The following LSM14B variants were observed in gnomAD, a reference collection of about 807,000 sequenced individuals.
LSM14B encodes protein LSM14 homolog B.
In LSM14B, 8 loss-of-function variants were observed where a neutral mutation model predicts 42.1. The observed-to-expected ratio is 0.19, with a 90% CI of 0.11 to 0.34. The LOEUF (loss-of-function observed/expected upper bound fraction) is 0.34, where lower values mean the gene tolerates loss of function less well. Ranked by LOEUF, LSM14B falls within the 10% of genes least tolerant of loss-of-function variation. The pLI, the probability that LSM14B is intolerant of heterozygous loss-of-function variation, is 1.00. For synonymous variants in LSM14B, 219 were observed against 209.7 expected, an observed-to-expected ratio of 1.04 and a Z score of -0.38; for missense variants, 396 against 513.1, an observed-to-expected ratio of 0.77 and a Z score of 2.21.
intron 3 of LSM14B, chr20:62,127,968 G>C (rs2056653488): frequency 3.2e-6 from 2 of 630,040 alleles, no homozygotes; most frequent in Non-Finnish European, 5.7e-6. Context: ...CCACATACGG[G>C]AAACTTCACT....
At chr20:62,131,701 G>A (rs374478428) in intron 7 of LSM14B, among the ~76,000 whole-genome samples, 195 bp downstream of exon 7, 18 of 152,302 alleles carry the variant, frequency 1.2e-4, no homozygotes, top group African/African-American at 2.2e-4. Flanking sequence ...ATCCCGACCC[G>A]AGGAGTTGGC....
At position 62,126,424 on chromosome 20, in the gene LSM14B, G is replaced by C; in HGVS notation, c.412G>C (p.Ala138Pro). Residue 138 changes from alanine (A) to proline (P), a missense_variant, in exon 3 of 9, where the codon GCC becomes CCC. By Grantham distance (27) the Ala-to-Pro change is conservative. Transcript: ENST00000279068. ...CTCCCTGCTCAGCCAGCAGTATGCC[G>C]CCTCCCTGGGTCTAGGTGAGTGACC... ...ASSLLSQQYA[A>P]SLGLGAGFPS... 6.2e-7 allele frequency: 1 copy of C among 1,609,396 alleles called. No individual in the cohort carries two copies. Among genetic ancestry groups the C allele is most frequent in the Non-Finnish European group, 8.5e-7 (1 of 1,179,776 alleles).
chr20:62,122,653 C>T lies in LSM14B; in HGVS notation c.-14C>T. ...TCCTTCCCCACCGCGGCCCGACGCACCCCGGCCGCCGCCATGAGCGGCTCC... is the reference window on the plus strand; with the variant it reads ...TCCTTCCCCACCGCGGCCCGACGCATCCCGGCCGCCGCCATGAGCGGCTCC... On this transcript the variant is annotated 5_prime_UTR_variant, in exon 1 of 9. Coordinates refer to ENST00000279068, the MANE Select transcript of LSM14B (RefSeq NM_144703.3). This position sits in a 1 kb window ranked among gnomAD's most constrained non-coding sequence, Gnocchi z 4.6. The T allele has an allele frequency of 7.1e-7, 1 of 1,408,478 alleles. No homozygotes were observed. Among genetic ancestry groups the T allele is most frequent in the Non-Finnish European group, 9.4e-7 (1 of 1,061,456 alleles). 87.2% of individuals were successfully genotyped at this position (1,408,478 alleles called of 1,614,324 possible).
rs2056725773 is a variant in LSM14B at position 62,130,182 on chromosome 20, T to C, written c.596-37T>C. ...GCTGGGTTCTGGCTTCCGGCTGCTA[T>C]AGGAGCTTTGCCTTACTCTTCCCTT... is the stretch of plus-strand genomic sequence containing the variant. On this transcript the variant is annotated intron_variant, in intron 4 of 8. Transcript: ENST00000279068. This position sits in a 1 kb window ranked among gnomAD's most constrained non-coding sequence, Gnocchi z 4.1. 1.3e-6 allele frequency: 2 copies of C among 1,563,582 alleles called. No homozygotes were observed. Among genetic ancestry groups the C allele is most frequent in the East Asian group, 4.8e-5 (2 of 41,794 alleles).
At position 62,133,492 on chromosome 20, in the gene LSM14B, T is replaced by G; in HGVS notation, c.*14+17T>G. On this transcript the variant is annotated intron_variant, in intron 8 of 8. Coordinates refer to ENST00000279068, the MANE Select transcript of LSM14B (RefSeq NM_144703.3). Reference sequence around the variant, plus strand: ...CAGCCAAAGGTGAGTGGATGAACCTTCTGGACGCTTTGGTGGGAGGGTGTA... The same window carrying G: ...CAGCCAAAGGTGAGTGGATGAACCTGCTGGACGCTTTGGTGGGAGGGTGTA... The G allele has an allele frequency of 6.2e-7, 1 of 1,602,210 alleles. No individual in the cohort carries two copies. Among genetic ancestry groups the G allele is most frequent in the Non-Finnish European group, 8.5e-7 (1 of 1,176,330 alleles).
intron 2 of LSM14B, 33 bp from the exon 3 acceptor site, chr20:62,126,271 T>C (rs1291479557): frequency 6.2e-7 from 1 of 1,613,830 alleles, no homozygotes; most frequent in Non-Finnish European, 8.5e-7. Flanking sequence ...TGGGATGGCC[T>C]TCGCCGTTCT....
chr20:62,124,792 A>C lies in LSM14B; in HGVS notation c.291+12A>C. On this transcript the variant is annotated intron_variant, in intron 2 of 8. Transcript: ENST00000279068. ...CCGCCATTGTTCAGGTAAGTGTGCC[A>C]CTGTCCCTCTGTGCATGCTGTAGGA... 6.2e-7 allele frequency: 1 copy of C among 1,609,624 alleles called. No individual in the cohort carries two copies. Among genetic ancestry groups the C allele is most frequent in the South Asian group, 1.1e-5 (1 of 90,530 alleles).
At position 62,131,342 on chromosome 20, in the gene LSM14B, GCTT is replaced by G. The variant is rs775501269; in HGVS notation, c.836-10_836-8del. On this transcript the variant is annotated splice_polypyrimidine_tract_variant and intron_variant, in intron 6 of 8. Transcript: ENST00000279068. ...CCCCTCCTCCATCTCCACGTGTTCT[GCTT>G]CTTTTTGTAGATGACAAGGCTGAGA... is the stretch of plus-strand genomic sequence containing the variant. The G allele has an allele frequency of 1.0e-5, 16 of 1,579,818 alleles. No individual in the cohort carries two copies. The East Asian group carries it at 2.0e-4, about 20-fold the overall frequency.
Position 62,133,303 on chromosome 20 carries a change from A to C in LSM14B, c.1000A>C (p.Thr334Pro). 1 of 1,613,412 alleles carries C rather than the reference A, an allele frequency of 6.2e-7. No homozygotes were observed. The highest frequency in any genetic ancestry group is 8.5e-7 in the Non-Finnish European group (1 of 1,179,624). ...SELKTSSRRT[T>P]WAEERKLNTE... ...TCTGTGGTTTAGCTCCAGGCGGACGACGTGGGCCGAAGAGAGGAAGCTCAA... is the reference window on the plus strand; with the variant it reads ...TCTGTGGTTTAGCTCCAGGCGGACGCCGTGGGCCGAAGAGAGGAAGCTCAA... The change falls in exon 8 of 9, where the codon ACG becomes CCG. Residue 334 changes from threonine (T) to proline (P), a missense_variant. Physicochemically the swap from Thr to Pro is conservative, Grantham distance 38. This residue lies in a region of LSM14B where 118 missense variants were observed against 156.4 expected (regional missense o/e 0.75). Transcript: ENST00000279068.
At chr20:62,131,148 G>A (rs1291262869) in intron 6 of LSM14B, among the ~76,000 whole-genome samples, 1 of 152,220 alleles carries the variant, frequency 6.6e-6, no homozygotes, top group Non-Finnish European at 1.5e-5. Flanking sequence ...GTGTGAAAAT[G>A]GGTGGGATAA....
At chr20:62,128,904 TAATAATTA>T in intron 3 of LSM14B, 1 of 1,264,364 alleles carries the variant, frequency 7.9e-7, no homozygotes. Flanking sequence ...GTTCGTCTAA[TAATAATTA>T]CCCTGTGGTT....
intron 2 of LSM14B, 37 bp from the exon 3 acceptor site, chr20:62,126,267 G>A: frequency 6.2e-7 from 1 of 1,613,736 alleles, no homozygotes; most frequent in Non-Finnish European, 8.5e-7. Flanking sequence ...GTGATGGGAT[G>A]GCCTTCGCCG....
At chr20:62,125,029 C>T (rs1420210701) in intron 2 of LSM14B, among the ~76,000 whole-genome samples, 1 of 152,130 alleles carries the variant, frequency 6.6e-6, no homozygotes, top group Non-Finnish European at 1.5e-5. Context: ...TACAGGGACG[C>T]ACCACCATGC....
chr20:62,133,466 G>A lies in LSM14B; in HGVS notation c.*5G>A. ...GCCGGGACTGGCAGGGTGTGAGGGT[G>A]CAGCCAAAGGTGAGTGGATGAACCT... On this transcript the variant is annotated 3_prime_UTR_variant, in exon 8 of 9. Transcript: ENST00000279068. 5 of 1,610,128 alleles carry A rather than the reference G, an allele frequency of 3.1e-6. No homozygotes were observed. The highest frequency in any genetic ancestry group is 1.1e-5 in the South Asian group (1 of 91,010).
At chr20:62,128,102 G>C in intron 3 of LSM14B, 2 of 466,110 alleles carry the variant, frequency 4.3e-6, no homozygotes, top group Non-Finnish European at 7.9e-6. Flanking sequence ...GTGGTTCATA[G>C]ATCACTCATT....
At chr20:62,131,850 C>T (rs989727589) in intron 7 of LSM14B, among the ~76,000 whole-genome samples, 2 of 152,254 alleles carry the variant, frequency 1.3e-5, no homozygotes, top group African/African-American at 4.8e-5. Context: ...GGCCTGGCAG[C>T]CTGAGGTCCT....
rs553711505 is a variant in LSM14B, at chr20:62,128,816, C to T, written c.428-969C>T. ...CTTGATCTGGTTACAAGGAATTTTT[C>T]TACAGTCAATTTTTTTTTTCATTTC... is the stretch of plus-strand genomic sequence containing the variant. On this transcript the variant is annotated intron_variant, in intron 3 of 8. Coordinates refer to ENST00000279068, the MANE Select transcript of LSM14B (RefSeq NM_144703.3). 8.0e-5 allele frequency: 50 copies of T among 626,868 alleles called. No individual in the cohort carries two copies. The African/African-American group carries it at 9.5e-4, about 12-fold the overall frequency. The allele number at this position is 626,868 out of a possible 1,614,324, so 38.8% of individuals were successfully genotyped here. A position where few individuals can be genotyped will look rare whatever the true frequency, so the allele number is the denominator to read the frequency against.
In LSM14B at chr20:62,133,421, G is replaced by A. The variant is rs765003627; in HGVS notation, c.1118G>A (p.Arg373His). 17 of 1,612,960 alleles carry A rather than the reference G, an allele frequency of 1.1e-5. No individual in the cohort carries two copies. Among genetic ancestry groups the A allele is most frequent in the Admixed American group, 1.7e-5 (1 of 59,708 alleles). Residue 373 changes from arginine (R) to histidine (H), a missense_variant, in exon 8 of 9, where the codon CGC becomes CAC. By Grantham distance (29) the Arg-to-His change is conservative (BLOSUM62 0). Coordinates refer to ENST00000279068, the MANE Select transcript of LSM14B (RefSeq NM_144703.3). Reference protein sequence around the residue: ...RGGRGNGTTRRNPTSHRAGTG... With the variant: ...RGGRGNGTTRHNPTSHRAGTG... Reference sequence around the variant, plus strand: ...GGCAGGGGCAATGGGACCACCCGTCGCAACCCCACTTCCCACAGGGCCGGG... The same window carrying A: ...GGCAGGGGCAATGGGACCACCCGTCACAACCCCACTTCCCACAGGGCCGGG...
Position 62,122,482 on chromosome 20 carries a change from C to T in LSM14B, c.-185C>T, listed in dbSNP as rs1323955113. On this transcript the variant is annotated 5_prime_UTR_variant, in exon 1 of 9. Transcript: ENST00000279068. This position sits in a 1 kb window ranked among gnomAD's most constrained non-coding sequence, Gnocchi z 4.6. ...CGCTCCTCTCAGAGCCCCAGTCGCG[C>T]GCCCCTTCTTGGTTCGCTCGGTGCC... 3 of 238,788 alleles carry T rather than the reference C, an allele frequency of 1.3e-5. No homozygotes were observed. Among genetic ancestry groups the T allele is most frequent in the African/African-American group, 2.3e-5 (1 of 42,840 alleles). The allele number at this position is 238,788 out of a possible 1,614,324, so 14.8% of individuals were successfully genotyped here.
Sources: allele counts gnomAD v4.1 joint callset (sites outside exome capture counted in the v4.1 genomes callset), GRCh38; gene constraint gnomAD v4.1.1; regional missense constraint gnomAD v4.1.1; non-coding constraint Gnocchi (gnomAD v3.1); transcripts MANE v1.5; gene names NCBI Gene and HGNC (gene_info 2026-07-23, HGNC 2026-07-21).